The following TMEM63B variants were observed in gnomAD, a reference collection of about 807,000 sequenced individuals.
TMEM63B encodes the protein transmembrane protein 63B.
In TMEM63B, 23 loss-of-function variants were observed where a neutral mutation model predicts 102.6. The ratio of observed to expected loss-of-function variants is 0.22; its 90% CI spans 0.16 to 0.32. The LOEUF is 0.32. TMEM63B is among the 10% of genes least tolerant of loss of function. The probability of loss-of-function intolerance (pLI) is 1.00; values close to 1 mark genes in which losing one functional copy is unlikely to be tolerated. For synonymous variants in TMEM63B, 444 were observed against 437.0 expected, an observed-to-expected ratio of 1.02 and a Z score of -0.20; for missense variants, 628 against 1,095.9, an observed-to-expected ratio of 0.57 and a Z score of 6.03.
At chr6:44,144,837 A>G (rs1251817005) in intron 10 of TMEM63B, among the ~76,000 whole-genome samples, 8 of 151,866 alleles carry the variant, frequency 5.3e-5, no homozygotes, top group Admixed American at 5.2e-4. Context: ...GCCTCAAGCA[A>G]TCCTCCTGTC....
At chr6:44,147,586 C>T (rs1047054316) in intron 12 of TMEM63B, 86 bp downstream of exon 12, 13 of 1,537,574 alleles carry the variant, frequency 8.5e-6, no homozygotes, top group Admixed American at 2.0e-5. Context: ...AGTGAGTCCC[C>T]ACCTGTCCCT....
chr6:44,150,557 C>T lies in TMEM63B; in HGVS notation c.1608-7C>T. On this transcript the variant is annotated splice_polypyrimidine_tract_variant and splice_region_variant and intron_variant, in intron 17 of 23. Coordinates refer to ENST00000323267, the MANE Select transcript of TMEM63B (RefSeq NM_018426.3). This position sits in a 1 kb window ranked among gnomAD's most constrained non-coding sequence, Gnocchi z 4.7. Reference sequence around the variant, plus strand: ...TCCCACCCCATCTCTCCTCTGCTTCCCTCCAGCCTGGACCTCTTCTTCCGC... The same window carrying T: ...TCCCACCCCATCTCTCCTCTGCTTCTCTCCAGCCTGGACCTCTTCTTCCGC... 1 of 1,614,140 alleles carries T rather than the reference C, an allele frequency of 6.2e-7. No individual in the cohort carries two copies. The highest frequency in any genetic ancestry group is 1.1e-5 in the South Asian group (1 of 91,062).
chr6:44,146,267 CTGCA>C (rs891240385), intron 10 of TMEM63B, among the ~76,000 whole-genome samples: 3 of 152,076 alleles, frequency 2.0e-5, no homozygotes, highest in African/African-American at 7.2e-5. Flanking sequence ...GCTTCCCTAC[CTGCA>C]TGCAGTATGT....
Position 44,134,681 on chromosome 6 carries a change from C to T in TMEM63B, c.97C>T (p.Leu33=), listed in dbSNP as rs750913548. The part of the protein sequence containing the change: ...CYSARIRSTV[L]QGLPFGGVPT... ...CAGCGCCCGCATCCGCAGCACTGTC[C>T]TGCAGGGCCTGCCCTTTGGGGGCGT... is the stretch of plus-strand genomic sequence containing the variant. The change falls in exon 2 of 24, where the codon CTG becomes TTG. Residue 33 remains leucine, a synonymous_variant. Transcript: ENST00000323267. 1 of 1,614,210 alleles carries T rather than the reference C, an allele frequency of 6.2e-7. No homozygotes were observed. Among genetic ancestry groups the T allele is most frequent in the Admixed American group, 1.7e-5 (1 of 60,030 alleles).
chr6:44,140,659 C>T, intron 9 of TMEM63B: 1 of 574,918 alleles, frequency 1.7e-6, no homozygotes, highest in Non-Finnish European at 3.1e-6. Context: ...ATTCCTTCCC[C>T]TTCTACATGC....
chr6:44,136,744 G>A (rs183215028), intron 5 of TMEM63B, among the ~76,000 whole-genome samples: 2 of 152,294 alleles, frequency 1.3e-5, no homozygotes, highest in East Asian at 3.9e-4. Context: ...CCTTTTTTCC[G>A]TAGTCATGGT....
At chr6:44,143,567 GTTGTTT>G (rs1554197880) in intron 10 of TMEM63B, among the ~76,000 whole-genome samples, 9 of 131,996 alleles carry the variant, frequency 6.8e-5, no homozygotes, top group Admixed American at 3.2e-4. Context: ...TCTGGTGTTT[GTTGTTT>G]TTGTTTTTGT....
At chr6:44,140,117 G>A (rs752968825) in intron 8 of TMEM63B, 135 bp from the exon 9 acceptor site, 25 of 698,346 alleles carry the variant, frequency 3.6e-5, no homozygotes, top group Non-Finnish European at 5.1e-5. Context: ...TGCCTTGCGA[G>A]GAGTCAGTGC....
rs1360208087 is a variant in TMEM63B, at chr6:44,152,782, C to T, written c.1942+84C>T. 33 of 1,193,048 alleles carry T rather than the reference C, an allele frequency of 2.8e-5. No individual in the cohort carries two copies. The highest frequency in any genetic ancestry group is 3.9e-5 in the Non-Finnish European group (32 of 826,058). 73.9% of individuals were successfully genotyped at this position (1,193,048 alleles called of 1,614,324 possible). A position where few individuals can be genotyped will look rare whatever the true frequency, so the allele number is the denominator to read the frequency against. ...CTCCACTCTAGGAATGCAGGCCACCCCGAGTGGACAGGGCCCGGCTGGGAG... is the reference window on the plus strand; with the variant it reads ...CTCCACTCTAGGAATGCAGGCCACCTCGAGTGGACAGGGCCCGGCTGGGAG... On this transcript the variant is annotated intron_variant, in intron 20 of 23. Coordinates refer to ENST00000323267, the MANE Select transcript of TMEM63B (RefSeq NM_018426.3). This position sits in a 1 kb window ranked among gnomAD's most constrained non-coding sequence, Gnocchi z 6.4.
chr6:44,140,973 C>T (rs1315630322), intron 9 of TMEM63B, 55 bp from the exon 10 acceptor site: 3 of 1,546,148 alleles, frequency 1.9e-6, no homozygotes, highest in African/African-American at 2.7e-5. Context: ...CCTCACATCC[C>T]CTGGCTCCAC....
At position 44,152,486 on chromosome 6, in the gene TMEM63B, T is replaced by G. The variant is rs1273380054; in HGVS notation, c.1837-107T>G. 2 of 836,046 alleles carry G rather than the reference T, an allele frequency of 2.4e-6. No homozygotes were observed. The highest frequency in any genetic ancestry group is 2.0e-6 in the Non-Finnish European group (1 of 505,960). The allele number at this position is 836,046 out of a possible 1,614,324, so 51.8% of individuals were successfully genotyped here. On this transcript the variant is annotated intron_variant, in intron 19 of 23. Coordinates refer to ENST00000323267, the MANE Select transcript of TMEM63B (RefSeq NM_018426.3). This position sits in a 1 kb window ranked among gnomAD's most constrained non-coding sequence, Gnocchi z 6.4. ...ACATTAGGTCCTGTTCCCCATGGCT[T>G]CTTTTCCGGCCCCAGAGGTCCTGGC...
chr6:44,148,812 G>A lies in TMEM63B; in HGVS notation c.1280G>A (p.Gly427Asp). ...GCCAGGGAGCACCTCTCCATCCGAGGCTTCATCTGGTGGCTGCGCTGCCTG... is the reference window on the plus strand; with the variant it reads ...GCCAGGGAGCACCTCTCCATCCGAGACTTCATCTGGTGGCTGCGCTGCCTG... ...NIYWEHLSIR[G>D]FIWWLRCLVI... Residue 427 changes from glycine (G) to aspartate (D), a missense_variant, in exon 15 of 24, where the codon GGC becomes GAC. Physicochemically the swap from Gly to Asp is moderately conservative, Grantham distance 94. This residue lies in a region of TMEM63B where 336 missense variants were observed against 580.3 expected (regional missense o/e 0.58). Coordinates refer to ENST00000323267, the MANE Select transcript of TMEM63B (RefSeq NM_018426.3). This position sits in a 1 kb window ranked among gnomAD's most constrained non-coding sequence, Gnocchi z 5.1. 6.2e-7 allele frequency: 1 copy of A among 1,614,140 alleles called. No homozygotes were observed. The highest frequency in any genetic ancestry group is 8.5e-7 in the Non-Finnish European group (1 of 1,180,036).
intron 10 of TMEM63B, among the ~76,000 whole-genome samples, 180 bp from the exon 11 acceptor site, chr6:44,146,666 GT>G (rs1292457902): frequency 6.6e-6 from 1 of 152,106 alleles, no homozygotes; most frequent in African/African-American, 2.4e-5. Flanking sequence ...GGCCAGGCTG[GT>G]TTCGAACTCC....
At chr6:44,142,508 C>T (rs556988484) in intron 10 of TMEM63B, among the ~76,000 whole-genome samples, 2 of 152,030 alleles carry the variant, frequency 1.3e-5, no homozygotes, top group African/African-American at 2.4e-5. Flanking sequence ...TCAGCCTGAG[C>T]GGCAGAGCGA....
intron 10 of TMEM63B, among the ~76,000 whole-genome samples, chr6:44,145,648 T>C (rs979701393): frequency 6.6e-6 from 1 of 151,352 alleles, no homozygotes; most frequent in Non-Finnish European, 1.5e-5. Flanking sequence ...AAAAAGAAAC[T>C]ATTCCCTCCA....
chr6:44,150,562 A>G lies in TMEM63B; in HGVS notation c.1608-2A>G. 6.2e-7 allele frequency: 1 copy of G among 1,614,060 alleles called. No individual in the cohort carries two copies. On this transcript the variant is annotated splice_acceptor_variant, in intron 17 of 23. Coordinates refer to ENST00000323267, the MANE Select transcript of TMEM63B (RefSeq NM_018426.3). LOFTEE classifies it high-confidence loss of function. This position sits in a 1 kb window ranked among gnomAD's most constrained non-coding sequence, Gnocchi z 4.7. ...CCCCATCTCTCCTCTGCTTCCCTCC[A>G]GCCTGGACCTCTTCTTCCGCTGGCT...
chr6:44,147,387 G>A lies in TMEM63B; in HGVS notation c.874G>A (p.Glu292Lys), dbSNP rs770270376. 9 of 1,614,060 alleles carry A rather than the reference G, an allele frequency of 5.6e-6. No homozygotes were observed. The highest frequency in any genetic ancestry group is 1.3e-5 in the African/African-American group (1 of 74,922). ...MFLDAERKKA[E>K]RGKLYFTNLQ... ...ATCTGGGTCCCACAGGAAGAAGGCC[G>A]AGCGGGGAAAGCTGTACTTCACAAA... Residue 292 changes from glutamate to lysine, a missense_variant, in exon 12 of 24, where the codon GAG (glutamate) becomes AAG (lysine). Coordinates refer to ENST00000323267, the MANE Select transcript of TMEM63B (RefSeq NM_018426.3).
At chr6:44,137,155 G>A (rs1445366827) in intron 5 of TMEM63B, among the ~76,000 whole-genome samples, 1 of 152,244 alleles carries the variant, frequency 6.6e-6, no homozygotes, top group Non-Finnish European at 1.5e-5. Flanking sequence ...TGTGGGGCCG[G>A]TTGACCTGCT....
chr6:44,129,266 G>A (rs1253663098), intron 1 of TMEM63B, among the ~76,000 whole-genome samples: 7 of 151,802 alleles, frequency 4.6e-5, no homozygotes, highest in African/African-American at 1.7e-4. Context: ...TACTCAGGAG[G>A]CTGAGGCAGG....
Sources: allele counts gnomAD v4.1 joint callset (sites outside exome capture counted in the v4.1 genomes callset), GRCh38; gene constraint gnomAD v4.1.1; regional missense constraint gnomAD v4.1.1; non-coding constraint Gnocchi (gnomAD v3.1); transcripts MANE v1.5; gene names NCBI Gene and HGNC (gene_info 2026-07-23, HGNC 2026-07-21).